The following RPS20 variants were observed in gnomAD, a reference collection of about 807,000 sequenced individuals.
RPS20 encodes ribosomal protein S20, also known as small ribosomal subunit protein uS10.
A neutral mutation model predicts 15.3 loss-of-function variants in RPS20; 3 were observed. The ratio of observed to expected loss-of-function variants is 0.20; its 90% confidence interval spans 0.09 to 0.51. The LOEUF (loss-of-function observed/expected upper bound fraction) is 0.51, where lower values mean the gene tolerates loss of function less well. Among genes scored for constraint, RPS20 ranks in the 20% least tolerant of loss-of-function variants. The pLI, the probability that RPS20 is intolerant of heterozygous loss-of-function variation, is 0.96. For synonymous variants in RPS20, 62 were observed against 47.8 expected (o/e 1.30, Z -1.23); for missense variants, 67 against 145.9 (o/e 0.46, Z 2.79).
chr8:56,068,533 A>T (rs1297111897), downstream of RPS20: 2 of 95,652 alleles, frequency 2.1e-5, no homozygotes, highest in East Asian at 2.1e-4. Flanking sequence ...GAAAGACTCT[A>T]AAAAAAAAAA....
downstream of RPS20, among the ~76,000 whole-genome samples, chr8:56,071,945 T>G (rs936772740): frequency 6.6e-6 from 1 of 152,238 alleles, no homozygotes; most frequent in Admixed American, 6.5e-5. Flanking sequence ...GGTATCTATC[T>G]GATTTTAAAT....
chr8:56,067,884 T>G (rs555163763), exon 6 of RPS20: 1 of 152,112 alleles, frequency 6.6e-6, no homozygotes, highest in Admixed American at 6.5e-5. Flanking sequence ...AAAAGGGAGT[T>G]AGTGTTTAAT....
chr8:56,069,945 A>G (rs1809706795), downstream of RPS20: 1 of 695,452 alleles, frequency 1.4e-6, no homozygotes. Context: ...TACCATTTAC[A>G]TTGTATTAGG....
intron 2 of RPS20, 87 bp from the exon 3 acceptor site, chr8:56,073,855 T>A: frequency 2.3e-6 from 3 of 1,295,694 alleles, no homozygotes; most frequent in Non-Finnish European, 3.4e-6. Context: ...GAATAGCGTA[T>A]AAAATTATCA....
At chr8:56,070,312 C>T (rs929187690), downstream of RPS20, among the ~76,000 whole-genome samples, 1 of 152,142 alleles carries the variant, frequency 6.6e-6, no homozygotes, top group African/African-American at 2.4e-5. Context: ...TGATCGTCTC[C>T]ATAACCAAGT....
downstream of RPS20, among the ~76,000 whole-genome samples, chr8:56,072,010 C>T (rs1285732493): frequency 1.3e-5 from 2 of 152,176 alleles, no homozygotes; most frequent in African/African-American, 4.8e-5. Flanking sequence ...AGTAGGCTAA[C>T]ACAGGCTGAT....
rs771409555 is a variant in RPS20 at position 56,073,712 on chromosome 8, C to G, written c.160G>C (p.Val54Leu). 3.1e-6 allele frequency: 5 copies of G among 1,614,062 alleles called. No homozygotes were observed. The highest frequency in any genetic ancestry group is 3.4e-6 in the Non-Finnish European group (4 of 1,179,930). The change falls in exon 3 of 4, where the codon GTT (valine) becomes CTT (leucine). Residue 54 changes from valine to leucine, a missense_variant. By Grantham distance (32) the Val-to-Leu change is conservative (BLOSUM62 1). Transcript: ENST00000009589. ...TACTTTACCTTGGTAGGCATTCGAA[C>G]TGGTCCTTTCACTTTGAGATTCTTT... Reference protein sequence around the residue: ...KEKNLKVKGPVRMPTKTLRIT... With the variant: ...KEKNLKVKGPLRMPTKTLRIT...
At position 56,074,052 on chromosome 8, in the gene RPS20, G is replaced by T; in HGVS notation, c.103+8C>A. ...TCCCCCTCCCCCCCGCATAACGAAT[G>T]CACTGACCCTTTTCCAAGGATTTTA... On this transcript the variant is annotated splice_region_variant and intron_variant, in intron 2 of 3. Coordinates refer to ENST00000009589, the MANE Select transcript of RPS20 (RefSeq NM_001023.4). 1 of 1,603,644 alleles carries T rather than the reference G, an allele frequency of 6.2e-7. No individual in the cohort carries two copies. Among genetic ancestry groups the T allele is most frequent in the Non-Finnish European group, 8.5e-7 (1 of 1,170,754 alleles).
chr8:56,067,562 T>C (rs1809646232), exon 6 of RPS20: 1 of 151,768 alleles, frequency 6.6e-6, no homozygotes, highest in South Asian at 2.1e-4. Flanking sequence ...GGTGGGCGCC[T>C]GTAGTCCCAG....
rs1446356942 is a variant in RPS20, at chr8:56,074,419, C to G, written c.-36G>C. On this transcript the variant is annotated 5_prime_UTR_variant, in exon 1 of 4. Coordinates refer to ENST00000009589, the MANE Select transcript of RPS20 (RefSeq NM_001023.4). ...CGCGGGCTTCCTGACCGACTTGTTC[C>G]TCGGCGAGAGCGAACAGCGGTGAGT... is the stretch of plus-strand genomic sequence containing the variant. 7 of 1,552,148 alleles carry G rather than the reference C, an allele frequency of 4.5e-6. No homozygotes were observed. The highest frequency in any genetic ancestry group is 5.2e-6 in the Non-Finnish European group (6 of 1,154,832).
chr8:56,068,803 A>ATTT (rs1563345604), downstream of RPS20, among the ~76,000 whole-genome samples: 2 of 92,606 alleles, frequency 2.2e-5, no homozygotes, highest in Admixed American at 1.3e-4. Flanking sequence ...CTTGGTGAAA[A>ATTT]TATCTTTTTT....
intron 1 of RPS20, 108 bp downstream of exon 1, chr8:56,074,273 C>T (rs1424284035): frequency 1.3e-6 from 2 of 1,516,738 alleles, no homozygotes; most frequent in Non-Finnish European, 1.8e-6. Context: ...AGCGCCTTTC[C>T]GCCCCTACAC....
At chr8:56,068,547 A>T (rs986234683), downstream of RPS20, 3 of 151,522 alleles carry the variant, frequency 2.0e-5, no homozygotes, top group African/African-American at 7.3e-5. Flanking sequence ...AAAAAAAAAA[A>T]AAAAAATTAA....
downstream of RPS20, among the ~76,000 whole-genome samples, chr8:56,068,807 C>CTT (rs61576194): frequency 0.091 from 2,528 of 27,678 alleles, 1,117 homozygotes; most frequent in East Asian, 0.24. Context: ...GTGAAAATAT[C>CTT]TTTTTTTTTT....
chr8:56,069,830 T>C, downstream of RPS20: 2 of 1,464,240 alleles, frequency 1.4e-6, no homozygotes, highest in Non-Finnish European at 1.9e-6. Flanking sequence ...GTAGATTCGA[T>C]CAACTGTAGA....
At chr8:56,067,826 A>T (rs1809652975) in exon 6 of RPS20, 1 of 152,198 alleles carries the variant, frequency 6.6e-6, no homozygotes, top group Non-Finnish European at 1.5e-5. Context: ...AATCAAACTC[A>T]CAGAAAAAGA....
chr8:56,069,490 G>C (rs999294413), downstream of RPS20, among the ~76,000 whole-genome samples: 1 of 152,106 alleles, frequency 6.6e-6, no homozygotes, highest in Non-Finnish European at 1.5e-5. Context: ...GTAGAGGCAG[G>C]GTTTCACTGT....
chr8:56,073,940 C>G, intron 2 of RPS20, 120 bp downstream of exon 2: 1 of 1,133,126 alleles, frequency 8.8e-7, no homozygotes, highest in East Asian at 2.3e-5. Flanking sequence ...CCACGCTTTA[C>G]TTTTTTAAGT....
At chr8:56,074,013 G>C (rs1809850477) in intron 2 of RPS20, 47 bp downstream of exon 2, 3 of 1,439,062 alleles carry the variant, frequency 2.1e-6, no homozygotes, top group Non-Finnish European at 2.9e-6. Flanking sequence ...AAAGCTCGTC[G>C]CTTTTCGCCC....
Sources: allele counts gnomAD v4.1 joint callset (sites outside exome capture counted in the v4.1 genomes callset), GRCh38; gene constraint gnomAD v4.1.1; transcripts MANE v1.5; gene names NCBI Gene and HGNC (gene_info 2026-07-23, HGNC 2026-07-21).